The following SP140 variants were observed in gnomAD, a reference collection of about 807,000 sequenced individuals.
SP140 encodes SP140 nuclear body protein.
A neutral mutation model predicts 125.0 loss-of-function variants in SP140; 81 were observed. That is an observed-to-expected ratio of 0.65 (90% CI 0.54 to 0.78). The LOEUF is 0.78. Ranked by LOEUF, SP140 falls within the 30% of genes least tolerant of loss-of-function variation. SP140 has a pLI of 0.00. For synonymous variants in SP140, 312 were observed against 354.0 expected (o/e 0.88, Z 1.33); for missense variants, 858 against 1,037.0 (o/e 0.83, Z 2.37).
intron 18 of SP140, among the ~76,000 whole-genome samples, chr2:230,289,057 C>A (rs371120657): frequency 1.3e-5 from 2 of 152,194 alleles, no homozygotes; most frequent in Non-Finnish European, 2.9e-5. Context: ...TCTTCCATAA[C>A]GGTTGAACTA....
chr2:230,252,085 A>G (rs769156768), intron 10 of SP140, among the ~76,000 whole-genome samples: 1 of 152,082 alleles, frequency 6.6e-6, no homozygotes, highest in African/African-American at 2.4e-5. Flanking sequence ...TTTTATTAAC[A>G]AGTAAAGCAA....
At chr2:230,228,341 T>A (rs2046751768) in intron 1 of SP140, among the ~76,000 whole-genome samples, 1 of 152,204 alleles carries the variant, frequency 6.6e-6, no homozygotes, top group African/African-American at 2.4e-5. Flanking sequence ...TATGTGAGCT[T>A]AAAAAGTACA....
chr2:230,215,338 A>G (rs2044999026), intron 3 of SP140, among the ~76,000 whole-genome samples: 1 of 152,220 alleles, frequency 6.6e-6, no homozygotes, highest in Non-Finnish European at 1.5e-5. Context: ...AAAAATAAAT[A>G]ATTTAGCTTT....
chr2:230,299,005 G>A (rs1412606583), intron 22 of SP140, among the ~76,000 whole-genome samples: 1 of 152,184 alleles, frequency 6.6e-6, no homozygotes, highest in Non-Finnish European at 1.5e-5. Context: ...GTACAGCCAG[G>A]CCAACAACCA....
intron 10 of SP140, 21 bp downstream of exon 10, chr2:230,251,082 T>G: frequency 6.2e-7 from 1 of 1,604,042 alleles, no homozygotes; most frequent in Non-Finnish European, 8.5e-7. Flanking sequence ...GGAGGATTTC[T>G]GGCCCTGGGC....
intron 7 of SP140, among the ~76,000 whole-genome samples, chr2:230,247,393 C>T (rs2049623587): frequency 6.6e-6 from 1 of 152,090 alleles, no homozygotes; most frequent in Non-Finnish European, 1.5e-5. Context: ...ATGACTCACC[C>T]CACCTCCCTC....
At chr2:230,280,313 T>C (rs185101177) in intron 15 of SP140, among the ~76,000 whole-genome samples, 5 of 152,326 alleles carry the variant, frequency 3.3e-5, no homozygotes, top group African/African-American at 1.2e-4. Flanking sequence ...TGCCAAGTAC[T>C]AACATTGTTA....
intron 4 of SP140, 70 bp downstream of exon 4, chr2:230,241,557 T>C: frequency 1.1e-6 from 1 of 880,776 alleles, no homozygotes; most frequent in Non-Finnish European, 1.9e-6. Context: ...AGGCAAATCT[T>C]GTATTTCCTC....
chr2:230,226,914 TTAAAA>T (rs2046505237), intron 1 of SP140, among the ~76,000 whole-genome samples: 1 of 152,102 alleles, frequency 6.6e-6, no homozygotes, highest in South Asian at 2.1e-4. Context: ...ATATAAAAAT[TTAAAA>T]TACAGTATAA....
chr2:230,232,263 C>T (rs1323957596), intron 1 of SP140, among the ~76,000 whole-genome samples: 1 of 152,204 alleles, frequency 6.6e-6, no homozygotes, highest in African/African-American at 2.4e-5. Context: ...AGGAGTTTCT[C>T]ATGCTCATGC....
At chr2:230,304,180 G>A (rs1270461745) in intron 22 of SP140, among the ~76,000 whole-genome samples, 1 of 151,952 alleles carries the variant, frequency 6.6e-6, no homozygotes, top group Non-Finnish European at 1.5e-5. Context: ...AAAATACTTA[G>A]GAATGTACCT....
At chr2:230,190,616 C>T in the SP140 span, among the ~76,000 whole-genome samples, 1 of 152,076 alleles carries the variant, frequency 6.6e-6, no homozygotes, top group African/African-American at 2.4e-5. Context: ...GCTTTTTTAT[C>T]ATGAAGACTT....
upstream of SP140, among the ~76,000 whole-genome samples, chr2:230,202,058 GCTCA>G (rs1241583655): frequency 6.6e-6 from 1 of 152,108 alleles, no homozygotes; most frequent in Non-Finnish European, 1.5e-5. Context: ...TTTTTATAAA[GCTCA>G]CTCACAATCA....
chr2:230,315,277 C>T (rs1575409150), downstream of SP140, among the ~76,000 whole-genome samples: 1 of 152,160 alleles, frequency 6.6e-6, no homozygotes, highest in East Asian at 1.9e-4. Flanking sequence ...TAAATGTGCA[C>T]ATCACTGATT....
chr2:230,214,622 T>A (rs1409618058), intron 3 of SP140, among the ~76,000 whole-genome samples: 1 of 152,254 alleles, frequency 6.6e-6, no homozygotes, highest in Non-Finnish European at 1.5e-5. Context: ...TCCTTGTCCT[T>A]CCACCAGACC....
At chr2:230,309,399 CG>C (rs1559378056) in intron 22 of SP140, among the ~76,000 whole-genome samples, 2 of 152,168 alleles carry the variant, frequency 1.3e-5, no homozygotes, top group African/African-American at 4.8e-5. Context: ...CAGAGGTCGG[CG>C]TAGAGCCCTC....
chr2:230,241,177 A>G (rs1003715788), intron 3 of SP140, among the ~76,000 whole-genome samples: 2 of 152,298 alleles, frequency 1.3e-5, no homozygotes, highest in Non-Finnish European at 2.9e-5. Context: ...AGCACAAAGC[A>G]ATTTTCTGGG....
chr2:230,255,422 AC>A, intron 11 of SP140, 29 bp from the exon 12 acceptor site: 1 of 1,610,240 alleles, frequency 6.2e-7, no homozygotes, highest in Non-Finnish European at 8.5e-7. Flanking sequence ...GTATACTGAG[AC>A]CTCTGAGGGA....
chr2:230,292,502 C>T (rs2057240902), intron 19 of SP140, 144 bp from the exon 20 acceptor site: 23 of 1,101,656 alleles, frequency 2.1e-5, no homozygotes, highest in Non-Finnish European at 2.6e-5. Context: ...TTTGGGGCCT[C>T]TGTAGTCTGA....
Sources: gnomAD v4.1 joint callset for allele counts (sites outside exome capture counted in the v4.1 genomes callset) on GRCh38, gnomAD v4.1.1 for gene constraint, MANE v1.5 for transcripts, NCBI Gene and HGNC (gene_info 2026-07-23, HGNC 2026-07-21) for gene names.